Variants in KDM4C observed in about 807,000 individuals in gnomAD.
The protein encoded by KDM4C is lysine demethylase 4C.
In KDM4C, 81 loss-of-function variants were observed where a neutral mutation model predicts 129.3. The observed-to-expected ratio is 0.63, with a 90% CI of 0.52 to 0.75. The LOEUF (loss-of-function observed/expected upper bound fraction) is 0.75, where lower values mean the gene tolerates loss of function less well. Ranked by LOEUF, KDM4C falls within the 30% of genes least tolerant of loss-of-function variation. The pLI is 0.00. For synonymous variants in KDM4C, 573 were observed against 456.1 expected (o/e 1.26, Z -3.26); for missense variants, 1,457 against 1,304.0 (o/e 1.12, Z -1.81).
intron 8 of KDM4C, among the ~76,000 whole-genome samples, chr9:6,956,177 A>G (rs1032455876): frequency 5.3e-5 from 8 of 152,244 alleles, no homozygotes; most frequent in African/African-American, 1.7e-4. Context: ...AAGATCTACT[A>G]GTTGATACCA....
At chr9:7,036,351 A>C (rs1460918967) in intron 15 of KDM4C, among the ~76,000 whole-genome samples, 2 of 152,162 alleles carry the variant, frequency 1.3e-5, no homozygotes, top group Non-Finnish European at 2.9e-5. Context: ...ATGTATGTTC[A>C]TCTTGGAGTC....
At chr9:6,988,423 G>A (rs931249128) in intron 11 of KDM4C, among the ~76,000 whole-genome samples, 2 of 152,022 alleles carry the variant, frequency 1.3e-5, no homozygotes, top group Non-Finnish European at 2.9e-5. Context: ...TGACAGTAGA[G>A]AAACCAACAT....
chr9:6,730,162 A>G (rs2130206131), intron 1 of KDM4C, among the ~76,000 whole-genome samples: 1 of 152,142 alleles, frequency 6.6e-6, no homozygotes, highest in South Asian at 2.1e-4. Flanking sequence ...TATGGCCATG[A>G]GGCCTTGCAG....
chr9:7,135,799 T>C (rs1841142693), intron 19 of KDM4C, among the ~76,000 whole-genome samples: 1 of 152,222 alleles, frequency 6.6e-6, no homozygotes, highest in East Asian at 1.9e-4. Context: ...CGTCGGTGTC[T>C]ACACTTTGAG....
intron 17 of KDM4C, among the ~76,000 whole-genome samples, chr9:7,103,445 G>T (rs937200509): frequency 1.3e-5 from 2 of 152,190 alleles, no homozygotes; most frequent in Non-Finnish European, 2.9e-5. Context: ...CTTGCTACAA[G>T]AAATAGTTAA....
intron 19 of KDM4C, among the ~76,000 whole-genome samples, chr9:7,135,414 A>G (rs139608791): frequency 2.6e-5 from 4 of 152,250 alleles, no homozygotes; most frequent in East Asian, 1.9e-4. Flanking sequence ...ATAGCATTTC[A>G]TCTTCAGCCT....
At chr9:6,803,460 C>T (rs539019254) in intron 2 of KDM4C, among the ~76,000 whole-genome samples, 2 of 151,646 alleles carry the variant, frequency 1.3e-5, no homozygotes, top group South Asian at 4.2e-4. Flanking sequence ...GTCCCAGCTA[C>T]TTGGGAGGCT....
intron 19 of KDM4C, among the ~76,000 whole-genome samples, chr9:7,137,117 A>G (rs1026925804): frequency 2.0e-5 from 3 of 152,128 alleles, no homozygotes; most frequent in African/African-American, 4.8e-5. Context: ...ATTACCTGCT[A>G]TTTCACTGCC....
At chr9:7,013,682 A>G (rs1407067958) in intron 13 of KDM4C, 106 bp from the exon 14 acceptor site, 2 of 1,063,884 alleles carry the variant, frequency 1.9e-6, no homozygotes, top group East Asian at 5.1e-5. Flanking sequence ...AGGAAGAACA[A>G]AAGTTAGAAG....
intron 4 of KDM4C, among the ~76,000 whole-genome samples, chr9:6,830,606 G>A (rs567959947): frequency 2.0e-5 from 3 of 152,286 alleles, no homozygotes; most frequent in African/African-American, 7.2e-5. Context: ...CTTTCCAAAT[G>A]TCCTATAATG....
At chr9:6,948,674 G>T (rs1162622789) in intron 8 of KDM4C, among the ~76,000 whole-genome samples, 4 of 151,692 alleles carry the variant, frequency 2.6e-5, no homozygotes, top group Admixed American at 6.6e-5. Context: ...AGATTAGGGA[G>T]TGGTGATGAC....
chr9:6,838,846 T>G (rs1836371308), intron 4 of KDM4C, among the ~76,000 whole-genome samples: 1 of 152,212 alleles, frequency 6.6e-6, no homozygotes, highest in Admixed American at 6.5e-5. Flanking sequence ...TCTATTCTCA[T>G]TGTGTAAAGA....
At chr9:6,963,999 T>G (rs766119624) in intron 8 of KDM4C, among the ~76,000 whole-genome samples, 2 of 152,346 alleles carry the variant, frequency 1.3e-5, no homozygotes, top group East Asian at 1.9e-4. Flanking sequence ...TAATTTTGAC[T>G]GTTAGAAAGC....
At chr9:6,872,625 C>T (rs1241363768) in intron 5 of KDM4C, among the ~76,000 whole-genome samples, 6 of 152,066 alleles carry the variant, frequency 3.9e-5, no homozygotes, top group African/African-American at 1.4e-4. Context: ...TATGTAATGC[C>T]TTCTTTGTCT....
intron 18 of KDM4C, among the ~76,000 whole-genome samples, chr9:7,115,618 A>G (rs1315820629): frequency 1.3e-5 from 2 of 152,254 alleles, no homozygotes; most frequent in African/African-American, 4.8e-5. Flanking sequence ...TAATGAAAGT[A>G]TATTTTTAAG....
chr9:6,844,503 A>T (rs1466690784), intron 4 of KDM4C, among the ~76,000 whole-genome samples: 1 of 152,222 alleles, frequency 6.6e-6, no homozygotes, highest in Non-Finnish European at 1.5e-5. Flanking sequence ...GCACTGTTTT[A>T]CATGATGTAA....
chr9:6,779,238 G>C (rs745446544), intron 1 of KDM4C, among the ~76,000 whole-genome samples: 1 of 151,106 alleles, frequency 6.6e-6, no homozygotes, highest in Non-Finnish European at 1.5e-5. Flanking sequence ...CCGTGGTCTC[G>C]ATCTCTTGAC....
intron 1 of KDM4C, among the ~76,000 whole-genome samples, chr9:6,790,338 GGATTC>G (rs1396825130): frequency 1.3e-5 from 2 of 151,286 alleles, no homozygotes; most frequent in African/African-American, 4.9e-5. Flanking sequence ...TCCGCCTCCT[GGATTC>G]ATGCCATTCT....
intron 3 of KDM4C, among the ~76,000 whole-genome samples, chr9:6,810,413 T>C (rs1830930913): frequency 6.6e-6 from 1 of 152,208 alleles, no homozygotes; most frequent in African/African-American, 2.4e-5. Context: ...GGTATAAATT[T>C]TTAGGCAAAT....
Sources: gnomAD v4.1 joint callset for allele counts (sites outside exome capture counted in the v4.1 genomes callset) on GRCh38, gnomAD v4.1.1 for gene constraint, MANE v1.5 for transcripts, NCBI Gene and HGNC (gene_info 2026-07-23, HGNC 2026-07-21) for gene names.